RHPN2: variants seen among roughly 807,000 people sequenced by gnomAD.
The protein encoded by RHPN2 is rhophilin-2.
RHPN2 carries 40 observed loss-of-function variants against 79.0 expected under a neutral mutation model. That is an observed-to-expected ratio of 0.51 (90% confidence interval 0.39 to 0.66). The LOEUF is 0.66. Ranked by LOEUF, RHPN2 falls within the 30% of genes least tolerant of loss-of-function variation. The pLI is 0.00. For synonymous variants in RHPN2, 285 were observed against 363.5 expected (o/e 0.78, Z 2.46); for missense variants, 686 against 883.5 (o/e 0.78, Z 2.83).
At chr19:33,018,357 C>G (rs1014862006) in intron 4 of RHPN2, among the ~76,000 whole-genome samples, 1 of 151,534 alleles carries the variant, frequency 6.6e-6, no homozygotes, top group African/African-American at 2.4e-5. Flanking sequence ...GAGAGAGAGA[C>G]AAGGTCTCAT....
chr19:33,018,052 G>C (rs758046773), intron 4 of RHPN2, among the ~76,000 whole-genome samples: 2 of 152,096 alleles, frequency 1.3e-5, no homozygotes, highest in Non-Finnish European at 2.9e-5. Flanking sequence ...TACTCAGGAG[G>C]CTGAGGCAGA....
At chr19:33,030,552 C>A (rs1460345362) in intron 2 of RHPN2, among the ~76,000 whole-genome samples, 2 of 152,004 alleles carry the variant, frequency 1.3e-5, no homozygotes, top group Non-Finnish European at 2.9e-5. Flanking sequence ...GAGAGCGCAC[C>A]ACTGCACACC....
intron 2 of RHPN2, among the ~76,000 whole-genome samples, chr19:33,036,668 C>G (rs1270170698): frequency 6.6e-6 from 1 of 152,180 alleles, no homozygotes; most frequent in East Asian, 1.9e-4. Flanking sequence ...CCAGGGCTGC[C>G]CGCGGTGCTT....
chr19:33,029,283 T>C (rs1363165164), intron 2 of RHPN2, among the ~76,000 whole-genome samples: 1 of 151,792 alleles, frequency 6.6e-6, no homozygotes, highest in African/African-American at 2.4e-5. Flanking sequence ...TCCCAGCACT[T>C]TGGGAGGCCG....
intron 1 of RHPN2, among the ~76,000 whole-genome samples, chr19:33,063,462 C>A (rs1264189305): frequency 6.6e-6 from 1 of 152,116 alleles, no homozygotes; most frequent in Non-Finnish European, 1.5e-5. Flanking sequence ...AGAATTGATT[C>A]GTTTATGGGA....
rs1209336360 is a variant in RHPN2 at position 32,979,962 on chromosome 19, A to G, written c.*34T>C. 2.5e-6 allele frequency: 4 copies of G among 1,613,196 alleles called. No homozygotes were observed. The South Asian group carries it at 3.3e-5, about 13-fold the overall frequency. On this transcript the variant is annotated 3_prime_UTR_variant, in exon 15 of 15. Coordinates refer to ENST00000254260, the MANE Select transcript of RHPN2 (RefSeq NM_033103.5). ...GTTTAAGGCCGAGTCAGCACCGGAA[A>G]TGTTCAGGGCCTGAACATGTTTGTT...
In RHPN2 at chr19:33,026,601, C is replaced by G. The variant is rs758448454; in HGVS notation, c.217G>C (p.Val73Leu). 2 of 1,602,128 alleles carry G rather than the reference C, an allele frequency of 1.2e-6. No individual in the cohort carries two copies. The highest frequency in any genetic ancestry group is 2.2e-5 in the South Asian group (2 of 90,768). ...VATNSKVREQ[V>L]RLELSFVNSD... ...TTGACGAAGCTCAGCTCCAGCCGCA[C>G]TTGCTCCCGCACCTTTGAGTTTGTG... Residue 73 changes from valine (V) to leucine (L), a missense_variant, in exon 3 of 15, where the codon GTG (valine) becomes CTG (leucine). Physicochemically the swap from Val to Leu is conservative, Grantham distance 32. Transcript: ENST00000254260.
intron 4 of RHPN2, among the ~76,000 whole-genome samples, chr19:33,020,895 A>G (rs112571871): frequency 0.022 from 3,397 of 152,340 alleles, 114 homozygotes; most frequent in African/African-American, 0.077. Context: ...TCAGGAAGCA[A>G]TGCTGGCAGT....
chr19:33,011,949 AGGGGT>A, intron 5 of RHPN2, 146 bp from the exon 6 acceptor site: 1 of 993,470 alleles, frequency 1.0e-6, no homozygotes, highest in Non-Finnish European at 1.5e-6. Flanking sequence ...AAACTCTGGG[AGGGGT>A]GGAAAGAACC....
At chr19:33,010,232 C>G (rs920410680) in intron 6 of RHPN2, among the ~76,000 whole-genome samples, 3 of 152,134 alleles carry the variant, frequency 2.0e-5, no homozygotes, top group African/African-American at 7.2e-5. Flanking sequence ...CCTTTGCTTT[C>G]CATGAGGAAG....
intron 14 of RHPN2, among the ~76,000 whole-genome samples, chr19:32,989,159 G>A (rs191655404): frequency 3.0e-4 from 46 of 152,150 alleles, no homozygotes; most frequent in Middle Eastern, 6.8e-3. Context: ...GCCCAGGCTG[G>A]AGTGCAATGG....
intron 1 of RHPN2, among the ~76,000 whole-genome samples, chr19:33,046,390 C>G (rs1162171826): frequency 3.3e-5 from 5 of 152,102 alleles, no homozygotes; most frequent in Admixed American, 6.6e-5. Flanking sequence ...TTCAGCCTCC[C>G]GGGTAGCTGG....
chr19:33,013,179 GTT>G lies in RHPN2; in HGVS notation c.391-457_391-456del, dbSNP rs71176183. 6.7e-3 allele frequency among the ~76,000 whole-genome samples: 965 copies of G among 145,100 alleles called. 7 individuals are homozygous for G. Among genetic ancestry groups the G allele is most frequent in the African/African-American group, 0.02 (773 of 37,712 alleles). ...ATGTCAGCCACCGTGCCCGGCCATAGTTTTTTTTTAAAAAAACAAAAACAAAA... is the reference window on the plus strand; with the variant it reads ...ATGTCAGCCACCGTGCCCGGCCATAGTTTTTTTAAAAAAACAAAAACAAAA... On this transcript the variant is annotated intron_variant, in intron 4 of 14. Transcript: ENST00000254260.
At chr19:33,030,876 A>G (rs73926230) in intron 2 of RHPN2, among the ~76,000 whole-genome samples, 1,635 of 152,250 alleles carry the variant, frequency 0.011, 39 homozygotes, top group African/African-American at 0.038. Context: ...TCGGTCCCAC[A>G]AGGCTGCCCC....
chr19:33,005,978 C>T (rs1316806680), intron 7 of RHPN2, among the ~76,000 whole-genome samples: 3 of 152,050 alleles, frequency 2.0e-5, no homozygotes, highest in Non-Finnish European at 2.9e-5. Flanking sequence ...ACCACAACCT[C>T]GGCTGATCCT....
At chr19:33,062,471 A>G (rs1972288445) in intron 1 of RHPN2, among the ~76,000 whole-genome samples, 1 of 150,278 alleles carries the variant, frequency 6.7e-6, no homozygotes, top group South Asian at 2.1e-4. Context: ...CAGGGGGAAA[A>G]AAAAAAAAAC....
At chr19:33,009,521 A>C (rs1217629882) in intron 6 of RHPN2, among the ~76,000 whole-genome samples, 1 of 152,112 alleles carries the variant, frequency 6.6e-6, no homozygotes, top group East Asian at 1.9e-4. Context: ...CATGATCATG[A>C]CTCACTGCAG....
chr19:33,010,855 G>T (rs1971830014), intron 6 of RHPN2, among the ~76,000 whole-genome samples: 1 of 151,102 alleles, frequency 6.6e-6, no homozygotes, highest in African/African-American at 2.4e-5. Flanking sequence ...GCAAATTTTT[G>T]TATTGTTTGT....
chr19:32,983,573 T>C (rs960441266), intron 14 of RHPN2, among the ~76,000 whole-genome samples: 5 of 146,882 alleles, frequency 3.4e-5, no homozygotes, highest in African/African-American at 1.3e-4. Context: ...CCCAGTATCA[T>C]ACCCACACAC....
Sources: gnomAD v4.1 joint callset for allele counts (sites outside exome capture counted in the v4.1 genomes callset) on GRCh38, gnomAD v4.1.1 for gene constraint, MANE v1.5 for transcripts, NCBI Gene and HGNC (gene_info 2026-07-23, HGNC 2026-07-21) for gene names.